Variants in BMPR1B observed in about 807,000 individuals in gnomAD.
The protein encoded by BMPR1B is bone morphogenetic protein receptor type 1B, also known as bone morphogenetic protein receptor type-1B.
A neutral mutation model predicts 59.1 loss-of-function variants in BMPR1B; 12 were observed. That is an observed-to-expected ratio of 0.20 (90% CI 0.13 to 0.33). The LOEUF is 0.33. BMPR1B is among the 10% of genes least tolerant of loss of function. The pLI is 1.00. For missense variants in BMPR1B, 550 were observed against 610.9 expected, an observed-to-expected ratio of 0.90 and a Z score of 1.05; for synonymous variants, 237 against 207.3, an observed-to-expected ratio of 1.14 and a Z score of -1.23.
At chr4:95,109,881 C>G (rs1206427379) in intron 4 of BMPR1B, among the ~76,000 whole-genome samples, 1 of 119,116 alleles carries the variant, frequency 8.4e-6, no homozygotes, top group East Asian at 3.0e-4. Context: ...CCACAACAGT[C>G]CCCGGTGTGT....
chr4:94,826,194 G>A (rs1324947278), intron 1 of BMPR1B, among the ~76,000 whole-genome samples: 1 of 152,200 alleles, frequency 6.6e-6, no homozygotes, highest in African/African-American at 2.4e-5. Context: ...TGAAACATTA[G>A]TTCTTAAATA....
chr4:94,823,165 T>C (rs1724263737), intron 1 of BMPR1B, among the ~76,000 whole-genome samples: 1 of 152,222 alleles, frequency 6.6e-6, no homozygotes, highest in East Asian at 1.9e-4. Flanking sequence ...GTTAATGAGC[T>C]TGAGGTGCTC....
rs1733364685 is a variant in BMPR1B, at chr4:95,131,581, T to G, written c.1076+69T>G. ...TGTTACTTTTTATTTTGTAGCGCAG[T>G]GCTTCTAGGATATTTAGTAGAAGAG... On this transcript the variant is annotated intron_variant, in intron 10 of 12. Transcript: ENST00000515059. 3 of 1,538,030 alleles carry G rather than the reference T, an allele frequency of 2.0e-6. No homozygotes were observed. The African/African-American group carries it at 4.1e-5, about 21-fold the overall frequency.
At chr4:95,078,875 A>T (rs1263997546) in intron 3 of BMPR1B, among the ~76,000 whole-genome samples, 2 of 152,102 alleles carry the variant, frequency 1.3e-5, no homozygotes, top group Non-Finnish European at 2.9e-5. Flanking sequence ...TTTCCATTTC[A>T]GCCTCCAGGA....
intron 2 of BMPR1B, among the ~76,000 whole-genome samples, chr4:94,890,182 A>G (rs921817348): frequency 2.0e-5 from 3 of 152,090 alleles, no homozygotes; most frequent in African/African-American, 7.2e-5. Context: ...TGCATATAAC[A>G]AGAAGCCTGC....
At chr4:94,894,201 C>T (rs181670146) in intron 2 of BMPR1B, among the ~76,000 whole-genome samples, 18 of 152,106 alleles carry the variant, frequency 1.2e-4, no homozygotes, top group African/African-American at 3.1e-4. Flanking sequence ...GCAAAAATAA[C>T]CCACTACCCA....
At chr4:94,944,733 A>G (rs910894677) in intron 2 of BMPR1B, among the ~76,000 whole-genome samples, 2 of 152,170 alleles carry the variant, frequency 1.3e-5, no homozygotes, top group African/African-American at 4.8e-5. Flanking sequence ...ACCTGCCTTT[A>G]GTGATTTTTT....
intron 2 of BMPR1B, among the ~76,000 whole-genome samples, chr4:94,991,911 T>C (rs1379148106): frequency 2.0e-5 from 3 of 152,192 alleles, no homozygotes; most frequent in South Asian, 2.1e-4. Flanking sequence ...CAAAACTACT[T>C]ACTGAATTGA....
intron 2 of BMPR1B, among the ~76,000 whole-genome samples, chr4:94,950,117 G>T (rs533875629): frequency 6.6e-6 from 1 of 152,004 alleles, no homozygotes; most frequent in Non-Finnish European, 1.5e-5. Flanking sequence ...CATATCCTTT[G>T]CCCACTTTTT....
rs564935510 is a variant in BMPR1B, at chr4:94,931,363, T to C, written c.-113+55463T>C. Among the ~76,000 whole-genome samples, 14 of 152,272 alleles carry C rather than the reference T, an allele frequency of 9.2e-5. No homozygotes were observed. In the South Asian group the frequency reaches 2.7e-3, roughly 29 times the overall value. On this transcript the variant is annotated intron_variant, in intron 2 of 12. Coordinates refer to ENST00000515059, the MANE Select transcript of BMPR1B (RefSeq NM_001203.3). ...CAAATGTTATACACGTCGTGGACTTTTATGTTGCTGGAAATAATCAACATT... is the reference window on the plus strand; with the variant it reads ...CAAATGTTATACACGTCGTGGACTTCTATGTTGCTGGAAATAATCAACATT...
At chr4:94,970,291 C>CT (rs1560573119) in intron 2 of BMPR1B, among the ~76,000 whole-genome samples, 1 of 53,314 alleles carries the variant, frequency 1.9e-5, no homozygotes, top group Non-Finnish European at 5.4e-5. Flanking sequence ...CTTCTCTTCT[C>CT]TTCTCTTCTC....
intron 7 of BMPR1B, 38 bp downstream of exon 7, chr4:95,123,944 A>G (rs1732720139): frequency 1.4e-6 from 2 of 1,415,174 alleles, no homozygotes; most frequent in African/African-American, 2.8e-5. Flanking sequence ...TTTTTAATTT[A>G]TAGTGTCTTC....
chr4:94,777,230 G>A (rs1722406542), intron 1 of BMPR1B, among the ~76,000 whole-genome samples: 1 of 151,940 alleles, frequency 6.6e-6, no homozygotes, highest in African/African-American at 2.4e-5. Context: ...TATTTTAAGA[G>A]AAGTGTGTTA....
intron 1 of BMPR1B, among the ~76,000 whole-genome samples, chr4:94,859,301 A>T (rs553801616): frequency 6.6e-5 from 10 of 152,310 alleles, no homozygotes; most frequent in African/African-American, 1.9e-4. Context: ...ACAGGATTTT[A>T]AAAAAACTTC....
intron 2 of BMPR1B, among the ~76,000 whole-genome samples, chr4:94,911,043 A>T (rs901241134): frequency 6.6e-6 from 1 of 152,100 alleles, no homozygotes; most frequent in Non-Finnish European, 1.5e-5. Context: ...TCTTTGACCT[A>T]TTTTTTTGGA....
intron 12 of BMPR1B, among the ~76,000 whole-genome samples, chr4:95,153,781 C>T (rs913416788): frequency 3.9e-5 from 6 of 152,102 alleles, no homozygotes; most frequent in Non-Finnish European, 7.4e-5. Context: ...ACCCGGAAGG[C>T]GGAGGTTGCA....
chr4:95,130,033 A>G lies in BMPR1B; in HGVS notation c.757A>G (p.Met253Val). Reference protein sequence around the residue: ...RETEIYQTVLMRHENILGFIA... With the variant: ...RETEIYQTVLVRHENILGFIA... The stretch of plus-strand genomic sequence containing the variant: ...GACAGAAATATATCAGACAGTGTTG[A>G]TGAGGCATGAAAACATTTTGGGTGA... Residue 253 changes from methionine (M) to valine (V), a missense_variant, in exon 9 of 13, where the codon ATG becomes GTG. Transcript: ENST00000515059. 1.9e-6 allele frequency: 3 copies of G among 1,613,864 alleles called. No homozygotes were observed. The highest frequency in any genetic ancestry group is 2.5e-6 in the Non-Finnish European group (3 of 1,179,814).
At chr4:94,849,885 G>A (rs1268859905) in intron 1 of BMPR1B, among the ~76,000 whole-genome samples, 3 of 151,976 alleles carry the variant, frequency 2.0e-5, no homozygotes, top group African/African-American at 4.8e-5. Context: ...TAGAAACCAA[G>A]TGCAAGGCTA....
At chr4:94,971,985 T>C (rs1279493196) in intron 2 of BMPR1B, among the ~76,000 whole-genome samples, 1 of 151,766 alleles carries the variant, frequency 6.6e-6, no homozygotes, top group Non-Finnish European at 1.5e-5. Context: ...TTTATGTTGA[T>C]GGTTTGAGTG....
Sources: gnomAD v4.1 joint callset for allele counts (sites outside exome capture counted in the v4.1 genomes callset) on GRCh38, gnomAD v4.1.1 for gene constraint, MANE v1.5 for transcripts, NCBI Gene and HGNC (gene_info 2026-07-23, HGNC 2026-07-21) for gene names.